ATRN: variants seen among roughly 807,000 people sequenced by gnomAD.
The protein encoded by ATRN is attractin-2.
Under a neutral mutation model 178.7 loss-of-function variants are expected in ATRN, and 54 were observed. That is an observed-to-expected ratio of 0.30 (90% confidence interval 0.24 to 0.38). The LOEUF (loss-of-function observed/expected upper bound fraction) is 0.38, where lower values mean the gene tolerates loss of function less well. ATRN is among the 10% of genes least tolerant of loss of function. ATRN has a pLI of 1.00. For missense variants in ATRN, 1,443 were observed against 1,815.1 expected, an observed-to-expected ratio of 0.79 and a Z score of 3.73; for synonymous variants, 636 against 663.0, an observed-to-expected ratio of 0.96 and a Z score of 0.63.
intron 1 of ATRN, among the ~76,000 whole-genome samples, chr20:3,489,212 C>T (rs1446849617): frequency 2.0e-5 from 3 of 152,180 alleles, no homozygotes; most frequent in Non-Finnish European, 2.9e-5. Flanking sequence ...CTGCTTGCCT[C>T]GGCCTCCCAA....
At chr20:3,602,597 A>G (rs1251068713) in intron 23 of ATRN, among the ~76,000 whole-genome samples, 6 of 152,166 alleles carry the variant, frequency 3.9e-5, no homozygotes, top group African/African-American at 1.4e-4. Context: ...GAAACTCTCA[A>G]TGAGGAGGGA....
At chr20:3,488,834 C>T (rs1193442726) in intron 1 of ATRN, among the ~76,000 whole-genome samples, 2 of 152,142 alleles carry the variant, frequency 1.3e-5, no homozygotes, top group Non-Finnish European at 2.9e-5. Context: ...GTTGAGTCTT[C>T]CGAACCACAA....
intron 25 of ATRN, chr20:3,629,019 TC>T: frequency 1.0e-6 from 1 of 985,286 alleles, no homozygotes; most frequent in Non-Finnish European, 1.2e-6. Flanking sequence ...GTTCCCCACC[TC>T]ACTAACTGGC....
chr20:3,515,777 A>G (rs534735779), intron 1 of ATRN, among the ~76,000 whole-genome samples: 1 of 152,306 alleles, frequency 6.6e-6, no homozygotes. Flanking sequence ...AGGTAAAAGT[A>G]TTGGGTGAAA....
intron 1 of ATRN, among the ~76,000 whole-genome samples, chr20:3,522,060 G>T (rs753795151): frequency 6.6e-6 from 1 of 151,916 alleles, no homozygotes; most frequent in Admixed American, 6.6e-5. Context: ...AAAATGCTAG[G>T]GTTATAGACG....
intron 18 of ATRN, among the ~76,000 whole-genome samples, chr20:3,585,320 C>T (rs969247604): frequency 6.6e-6 from 1 of 152,136 alleles, no homozygotes; most frequent in East Asian, 1.9e-4. Flanking sequence ...GGAGAAAATA[C>T]CTGCACTGCA....
intron 20 of ATRN, among the ~76,000 whole-genome samples, chr20:3,595,070 C>G (rs2086506968): frequency 6.6e-6 from 1 of 152,178 alleles, no homozygotes; most frequent in Non-Finnish European, 1.5e-5. Context: ...TTTGAAGTCC[C>G]CATCCATGAG....
chr20:3,624,416 A>C, intron 24 of ATRN, 95 bp from the exon 25 acceptor site: 1 of 1,119,778 alleles, frequency 8.9e-7, no homozygotes, highest in East Asian at 2.4e-5. Flanking sequence ...TTTAAAATGT[A>C]AGCTCTGTTT....
intron 2 of ATRN, among the ~76,000 whole-genome samples, chr20:3,538,513 C>T (rs532366131): frequency 1.3e-5 from 2 of 152,294 alleles, no homozygotes; most frequent in South Asian, 4.1e-4. Flanking sequence ...CTGCTGTGTC[C>T]TATCAGTTCA....
chr20:3,540,706 T>C (rs1238405241), intron 3 of ATRN, among the ~76,000 whole-genome samples: 1 of 152,246 alleles, frequency 6.6e-6, no homozygotes, highest in East Asian at 1.9e-4. Context: ...ATATCCATCA[T>C]GTTCCTTGTG....
At chr20:3,598,436 C>T (rs1217289073) in intron 22 of ATRN, among the ~76,000 whole-genome samples, 1 of 152,092 alleles carries the variant, frequency 6.6e-6, no homozygotes, top group East Asian at 1.9e-4. Flanking sequence ...AGGGAGGGGA[C>T]CCCAATCAGA....
intron 12 of ATRN, among the ~76,000 whole-genome samples, chr20:3,574,146 G>A (rs1422836366): frequency 1.3e-5 from 2 of 152,236 alleles, no homozygotes; most frequent in African/African-American, 4.8e-5. Flanking sequence ...TGAGAGTTAT[G>A]ATGGATAGAA....
At chr20:3,643,087 A>G (rs971795240) in intron 27 of ATRN, among the ~76,000 whole-genome samples, 1 of 152,112 alleles carries the variant, frequency 6.6e-6, no homozygotes, top group Non-Finnish European at 1.5e-5. Context: ...GGGTCTCCCA[A>G]AGTGCTGGGA....
In ATRN at chr20:3,604,274, C is replaced by T. The variant is rs199762980; in HGVS notation, c.3801+12C>T. ...CCATCAAAATTCAGGTAAGAAGAGG[C>T]TTTTGGTCTCATACCTGCAAAGGTG... On this transcript the variant is annotated intron_variant, in intron 24 of 28. Transcript: ENST00000262919. 1,175 of 1,583,356 alleles carry T rather than the reference C, an allele frequency of 7.4e-4. 2 individuals carry two copies. The highest frequency in any genetic ancestry group is 9.3e-4 in the Non-Finnish European group (1,086 of 1,169,952).
In ATRN at chr20:3,604,101, A is replaced by G; in HGVS notation, c.3644-4A>G. The G allele has an allele frequency of 6.4e-7, 1 of 1,569,752 alleles. No individual in the cohort carries two copies. On this transcript the variant is annotated splice_region_variant and splice_polypyrimidine_tract_variant and intron_variant, in intron 23 of 28. Transcript: ENST00000262919. ...TCTTCTCTTTCATGTTTTTCTTTTAACAGCTGGAACCCAGGCTGGAGAAGA... is the reference window on the plus strand; with the variant it reads ...TCTTCTCTTTCATGTTTTTCTTTTAGCAGCTGGAACCCAGGCTGGAGAAGA...
intron 24 of ATRN, among the ~76,000 whole-genome samples, chr20:3,604,729 G>A (rs2086656077): frequency 6.6e-6 from 1 of 152,190 alleles, no homozygotes. Context: ...AAGAACATCA[G>A]CCTTCTAGTC....
intron 23 of ATRN, 46 bp from the exon 24 acceptor site, chr20:3,604,059 G>C: frequency 6.6e-7 from 1 of 1,512,902 alleles, no homozygotes; most frequent in African/African-American, 1.4e-5. Context: ...TCTCCCCCTA[G>C]CCCCCCAAAA....
At chr20:3,548,035 C>T (rs559866363) in intron 5 of ATRN, among the ~76,000 whole-genome samples, 2 of 152,034 alleles carry the variant, frequency 1.3e-5, no homozygotes, top group Non-Finnish European at 2.9e-5. Flanking sequence ...GTTTAAATAC[C>T]TTAGTTTGTT....
Position 3,572,956 on chromosome 20 carries a change from GT to G in ATRN, c.2092+14del, listed in dbSNP as rs771584703. The G allele has an allele frequency of 3.0e-5, 48 of 1,595,780 alleles. No individual in the cohort carries two copies. Among genetic ancestry groups the G allele is most frequent in the Middle Eastern group, 1.7e-4 (1 of 5,926 alleles). ...CAGAATGTTTTTCCAAAAGAAGTAT[GT>G]TTTTTTTTCTCTACTTAGATTTTAA... On this transcript the variant is annotated splice_donor_region_variant and intron_variant, in intron 12 of 28. Coordinates refer to ENST00000262919, the MANE Select transcript of ATRN (RefSeq NM_139321.3).
Sources: gnomAD v4.1 joint callset for allele counts (sites outside exome capture counted in the v4.1 genomes callset) on GRCh38, gnomAD v4.1.1 for gene constraint, MANE v1.5 for transcripts, NCBI Gene and HGNC (gene_info 2026-07-23, HGNC 2026-07-21) for gene names.